NTRK2: variants seen among roughly 807,000 people sequenced by gnomAD.
The protein encoded by NTRK2 is neurotrophic receptor tyrosine kinase 2.
NTRK2 carries 13 observed loss-of-function variants against 94.5 expected under a neutral mutation model. The ratio of observed to expected loss-of-function variants is 0.14; its 90% CI spans 0.09 to 0.22. The LOEUF (loss-of-function observed/expected upper bound fraction) is 0.22, where lower values mean the gene tolerates loss of function less well. Ranked by LOEUF, NTRK2 falls within the 10% of genes least tolerant of loss-of-function variation. The pLI is 1.00. For synonymous variants in NTRK2, 372 were observed against 407.4 expected (o/e 0.91, Z 1.05); for missense variants, 639 against 1,071.2 (o/e 0.60, Z 5.63).
intron 12 of NTRK2, among the ~76,000 whole-genome samples, chr9:84,771,346 CCA>C (rs1444592074): frequency 6.6e-6 from 1 of 152,150 alleles, no homozygotes; most frequent in Non-Finnish European, 1.5e-5. Flanking sequence ...CTGAAATGGA[CCA>C]CAGTGTCCTG....
intron 14 of NTRK2, among the ~76,000 whole-genome samples, chr9:84,925,938 C>CTACATG (rs2077749533): frequency 1.3e-5 from 2 of 152,110 alleles, no homozygotes; most frequent in South Asian, 4.1e-4. Flanking sequence ...TGGGGCAGAC[C>CTACATG]TAAGATGCCA....
intron 17 of NTRK2, among the ~76,000 whole-genome samples, chr9:85,002,541 A>G (rs1191722646): frequency 6.6e-6 from 1 of 152,204 alleles, no homozygotes; most frequent in Non-Finnish European, 1.5e-5. Flanking sequence ...CAGTGATTTA[A>G]TTTAGAGAGG....
intron 16 of NTRK2, among the ~76,000 whole-genome samples, chr9:84,953,619 T>C (rs1363508781): frequency 2.0e-5 from 3 of 152,198 alleles, no homozygotes; most frequent in African/African-American, 7.2e-5. Flanking sequence ...AAGAGGCAGC[T>C]GGGGGTTGTG....
At chr9:84,916,019 A>AT (rs979722327) in intron 14 of NTRK2, among the ~76,000 whole-genome samples, 27 of 152,130 alleles carry the variant, frequency 1.8e-4, no homozygotes, top group African/African-American at 6.3e-4. Flanking sequence ...TAGGGTCCAA[A>AT]TTGGGGAGCT....
At chr9:84,976,830 T>C (rs1409046830) in intron 17 of NTRK2, among the ~76,000 whole-genome samples, 1 of 152,248 alleles carries the variant, frequency 6.6e-6, no homozygotes, top group Non-Finnish European at 1.5e-5. Flanking sequence ...AGCAGTGTTA[T>C]TAAAAATATT....
At chr9:84,959,776 C>G (rs1824675097) in intron 17 of NTRK2, among the ~76,000 whole-genome samples, 1 of 152,196 alleles carries the variant, frequency 6.6e-6, no homozygotes, top group African/African-American at 2.4e-5. Flanking sequence ...TAGGAAACAT[C>G]TGAACCAGAT....
chr9:84,974,454 T>C (rs1285391072), intron 17 of NTRK2, among the ~76,000 whole-genome samples: 1 of 152,220 alleles, frequency 6.6e-6, no homozygotes, highest in Non-Finnish European at 1.5e-5. Flanking sequence ...CTCAGTTTTA[T>C]AGATGGTAAT....
At chr9:84,777,738 A>G (rs959619084) in intron 12 of NTRK2, among the ~76,000 whole-genome samples, 1 of 152,200 alleles carries the variant, frequency 6.6e-6, no homozygotes, top group African/African-American at 2.4e-5. Flanking sequence ...AAGAAGTACG[A>G]GCTGTCTCTA....
At chr9:85,017,060 T>C (rs1435744060) in intron 17 of NTRK2, among the ~76,000 whole-genome samples, 1 of 152,180 alleles carries the variant, frequency 6.6e-6, no homozygotes, top group Non-Finnish European at 1.5e-5. Context: ...CTATCTTGCA[T>C]TGCTAATGAC....
chr9:84,690,925 TAAA>T (rs1404915131), intron 2 of NTRK2, among the ~76,000 whole-genome samples: 1 of 152,156 alleles, frequency 6.6e-6, no homozygotes, highest in Non-Finnish European at 1.5e-5. Context: ...GAATGAATGT[TAAA>T]AATGTCACAA....
At chr9:84,785,568 A>G (rs1343466009) in intron 12 of NTRK2, among the ~76,000 whole-genome samples, 3 of 152,216 alleles carry the variant, frequency 2.0e-5, no homozygotes, top group East Asian at 1.9e-4. Context: ...GTGGGAGTTC[A>G]TAGAGAAAGA....
At chr9:84,760,528 A>G (rs1020348808) in intron 12 of NTRK2, among the ~76,000 whole-genome samples, 3 of 152,242 alleles carry the variant, frequency 2.0e-5, no homozygotes, top group Non-Finnish European at 2.9e-5. Flanking sequence ...GGTATGTATC[A>G]TGAATACAAA....
chr9:84,939,525 C>T (rs12342902), intron 15 of NTRK2, among the ~76,000 whole-genome samples: 26,932 of 151,880 alleles, frequency 0.18, 2,626 homozygotes, highest in African/African-American at 0.24. Flanking sequence ...TTAGTTATGT[C>T]GTTTATATGG....
At chr9:84,906,586 C>T (rs905283196) in intron 14 of NTRK2, among the ~76,000 whole-genome samples, 16 of 152,312 alleles carry the variant, frequency 1.1e-4, no homozygotes, top group African/African-American at 3.6e-4. Flanking sequence ...TGGGTCTTCT[C>T]TCTTCTGTCC....
chr9:84,739,124 C>A (rs1238454102), intron 9 of NTRK2, among the ~76,000 whole-genome samples: 1 of 151,932 alleles, frequency 6.6e-6, no homozygotes, highest in Non-Finnish European at 1.5e-5. Context: ...GATCTCAGCT[C>A]ACTGCAACCA....
At chr9:84,692,989 G>A (rs1460888522) in intron 2 of NTRK2, among the ~76,000 whole-genome samples, 3 of 152,188 alleles carry the variant, frequency 2.0e-5, no homozygotes, top group African/African-American at 7.2e-5. Context: ...AATTGGAAAT[G>A]TGCTCCGAAC....
intron 17 of NTRK2, among the ~76,000 whole-genome samples, chr9:84,991,964 T>G (rs1829133490): frequency 6.6e-6 from 1 of 152,088 alleles, no homozygotes; most frequent in Admixed American, 6.6e-5. Context: ...AACCAGTGCC[T>G]CCTCCTCCTC....
intron 17 of NTRK2, among the ~76,000 whole-genome samples, chr9:85,001,988 A>G (rs942714872): frequency 6.6e-6 from 1 of 152,182 alleles, no homozygotes; most frequent in African/African-American, 2.4e-5. Flanking sequence ...CCTCATCTGA[A>G]TATTCAAACA....
At chr9:85,003,949 T>G (rs2133432247) in intron 17 of NTRK2, among the ~76,000 whole-genome samples, 2 of 127,870 alleles carry the variant, frequency 1.6e-5, no homozygotes, top group Non-Finnish European at 3.4e-5. Flanking sequence ...AAAACAGGAG[T>G]GATTGGTGGT....
Sources: allele counts gnomAD v4.1 joint callset (sites outside exome capture counted in the v4.1 genomes callset), GRCh38; gene constraint gnomAD v4.1.1; transcripts MANE v1.5; gene names NCBI Gene and HGNC (gene_info 2026-07-23, HGNC 2026-07-21).